Variants in ANKS1B observed in about 807,000 individuals in gnomAD.
ANKS1B encodes the protein ankyrin repeat and sterile alpha motif domain-containing protein 1B.
ANKS1B carries 36 observed loss-of-function variants against 148.3 expected under a neutral mutation model. That is an observed-to-expected ratio of 0.24 (90% CI 0.19 to 0.32). ANKS1B has a LOEUF of 0.32. Ranked by LOEUF, ANKS1B falls within the 10% of genes least tolerant of loss-of-function variation. The probability of loss-of-function intolerance (pLI) is 1.00; values close to 1 mark genes in which losing one functional copy is unlikely to be tolerated. For synonymous variants in ANKS1B, 542 were observed against 560.8 expected (o/e 0.97, Z 0.47); for missense variants, 1,157 against 1,542.6 (o/e 0.75, Z 4.19).
chr12:99,713,367 TAGAC>T (rs2153539529), intron 8 of ANKS1B, among the ~76,000 whole-genome samples: 1 of 152,356 alleles, frequency 6.6e-6, no homozygotes, highest in East Asian at 1.9e-4. Context: ...GAAAGCTGAA[TAGAC>T]TGAGAATTTC....
At chr12:99,686,408 G>T (rs780429318) in intron 8 of ANKS1B, among the ~76,000 whole-genome samples, 1 of 152,128 alleles carries the variant, frequency 6.6e-6, no homozygotes, top group African/African-American at 2.4e-5. Flanking sequence ...CAATCAGATG[G>T]TTTCTCGACT....
intron 1 of ANKS1B, among the ~76,000 whole-genome samples, chr12:99,899,323 T>C (rs1462269985): frequency 6.6e-6 from 1 of 152,186 alleles, no homozygotes; most frequent in Non-Finnish European, 1.5e-5. Flanking sequence ...CTTCCTGTAG[T>C]TAAAATTACA....
chr12:99,035,125 T>C (rs1016951730), intron 17 of ANKS1B, among the ~76,000 whole-genome samples: 7 of 152,116 alleles, frequency 4.6e-5, no homozygotes, highest in Non-Finnish European at 1.0e-4. Context: ...TGTTTCTCAG[T>C]CCCATTCTCT....
intron 9 of ANKS1B, among the ~76,000 whole-genome samples, chr12:99,653,434 A>T (rs1409624502): frequency 1.3e-5 from 2 of 152,192 alleles, no homozygotes; most frequent in African/African-American, 2.4e-5. Context: ...ACTGCTAAGC[A>T]GTTAAGGGTA....
chr12:99,769,103 G>A (rs2062957914), intron 8 of ANKS1B, among the ~76,000 whole-genome samples: 3 of 151,890 alleles, frequency 2.0e-5, no homozygotes, highest in Non-Finnish European at 4.4e-5. Flanking sequence ...CTCTTACACT[G>A]GGGAATTGCA....
chr12:99,123,283 A>G (rs1244211095), intron 15 of ANKS1B, among the ~76,000 whole-genome samples: 1 of 152,082 alleles, frequency 6.6e-6, no homozygotes, highest in African/African-American at 2.4e-5. Flanking sequence ...ATTAGAGCAG[A>G]GATTTCGATG....
intron 8 of ANKS1B, among the ~76,000 whole-genome samples, chr12:99,671,550 C>T (rs1441712124): frequency 6.6e-6 from 1 of 151,844 alleles, no homozygotes; most frequent in African/African-American, 2.4e-5. Context: ...ATATTTTAAG[C>T]CATTTTCTGG....
intron 12 of ANKS1B, among the ~76,000 whole-genome samples, chr12:99,398,515 T>C (rs997134271): frequency 1.3e-5 from 2 of 152,128 alleles, no homozygotes; most frequent in Admixed American, 6.6e-5. Flanking sequence ...AAAGTAATTG[T>C]TTACTTACAT....
intron 17 of ANKS1B, among the ~76,000 whole-genome samples, chr12:98,910,769 T>C (rs1808352): frequency 0.4 from 61,111 of 152,042 alleles, 13,284 homozygotes; most frequent in Middle Eastern, 0.57. Flanking sequence ...TTCATTGACA[T>C]AAAAGGAGCA....
chr12:98,988,094 C>T (rs2099924477), intron 17 of ANKS1B, among the ~76,000 whole-genome samples: 1 of 152,250 alleles, frequency 6.6e-6, no homozygotes, highest in South Asian at 2.1e-4. Flanking sequence ...TGTGCATTAT[C>T]TCACAGTTAT....
At chr12:98,834,139 T>C (rs2153701796) in intron 17 of ANKS1B, among the ~76,000 whole-genome samples, 1 of 152,302 alleles carries the variant, frequency 6.6e-6, no homozygotes, top group East Asian at 1.9e-4. Flanking sequence ...ACCATATCCC[T>C]ATGATTTTAT....
chr12:98,771,443 AT>A (rs1433110552), intron 25 of ANKS1B, among the ~76,000 whole-genome samples: 1 of 151,530 alleles, frequency 6.6e-6, no homozygotes, highest in Non-Finnish European at 1.5e-5. Context: ...AAGTACTGGG[AT>A]TATAGGTATG....
At chr12:99,638,191 G>A (rs936513294) in intron 9 of ANKS1B, among the ~76,000 whole-genome samples, 1 of 152,112 alleles carries the variant, frequency 6.6e-6, no homozygotes, top group Non-Finnish European at 1.5e-5. Flanking sequence ...ATGTGAAAGC[G>A]ACTTTGGAAC....
chr12:99,339,295 A>G (rs1188276929), intron 12 of ANKS1B, among the ~76,000 whole-genome samples: 12 of 152,138 alleles, frequency 7.9e-5, no homozygotes, highest in Non-Finnish European at 1.5e-4. Flanking sequence ...GCTTTCCACT[A>G]TGATGGGGCA....
At chr12:98,934,487 G>C (rs2099816616) in intron 17 of ANKS1B, among the ~76,000 whole-genome samples, 1 of 151,844 alleles carries the variant, frequency 6.6e-6, no homozygotes, top group Admixed American at 6.6e-5. Flanking sequence ...TTAGCATTTT[G>C]TCTATTTATG....
At chr12:99,609,148 A>G (rs1213116743) in intron 9 of ANKS1B, among the ~76,000 whole-genome samples, 1 of 152,084 alleles carries the variant, frequency 6.6e-6, no homozygotes, top group African/African-American at 2.4e-5. Context: ...GAGAAGCAGG[A>G]TCCAACAGAG....
At chr12:98,988,518 G>T (rs1450592379) in intron 17 of ANKS1B, among the ~76,000 whole-genome samples, 1 of 151,920 alleles carries the variant, frequency 6.6e-6, no homozygotes, top group Non-Finnish European at 1.5e-5. Flanking sequence ...TGAACACTTA[G>T]GTTGATTCCA....
rs1350944467 is a variant in ANKS1B, at chr12:99,792,560, T to C, written c.670-10463A>G. Among the ~76,000 whole-genome samples the C allele has an allele frequency of 2.6e-5, 4 of 151,910 alleles. No individual in the cohort carries two copies. In the East Asian group the frequency reaches 5.8e-4, roughly 22 times the overall value. On this transcript the variant is annotated intron_variant, in intron 4 of 26. Transcript: ENST00000683438. ...TGTGATGCAAGGATGGTTCAACATA[T>C]GCAAATCAATCAATGTGATACCCTG... is the stretch of plus-strand genomic sequence containing the variant.
At chr12:99,556,950 C>T (rs886718993) in intron 9 of ANKS1B, among the ~76,000 whole-genome samples, 2 of 152,164 alleles carry the variant, frequency 1.3e-5, no homozygotes, top group Non-Finnish European at 2.9e-5. Flanking sequence ...CTGTAGATGT[C>T]TATTAAGTCC....
Sources: gnomAD v4.1 joint callset for allele counts (sites outside exome capture counted in the v4.1 genomes callset) on GRCh38, gnomAD v4.1.1 for gene constraint, MANE v1.5 for transcripts, NCBI Gene and HGNC (gene_info 2026-07-23, HGNC 2026-07-21) for gene names.